The following FGD5 variants were observed in gnomAD, a reference collection of about 807,000 sequenced individuals.
FGD5 encodes the protein FYVE, RhoGEF and PH domain containing 5, also known as FYVE, RhoGEF and PH domain-containing protein 5.
Under a neutral mutation model 133.4 loss-of-function variants are expected in FGD5, and 28 were observed. That is an observed-to-expected ratio of 0.21 (90% confidence interval 0.16 to 0.29). FGD5 has a LOEUF of 0.29. Among genes scored for constraint, FGD5 ranks in the 10% least tolerant of loss-of-function variants. The pLI is 1.00. For synonymous variants in FGD5, 810 were observed against 776.5 expected (o/e 1.04, Z -0.72); for missense variants, 1,858 against 1,895.2 (o/e 0.98, Z 0.36).
intron 1 of FGD5, among the ~76,000 whole-genome samples, chr3:14,862,449 G>A (rs1346829278): frequency 6.6e-6 from 1 of 152,176 alleles, no homozygotes; most frequent in Non-Finnish European, 1.5e-5. Context: ...TTAGGCTGGG[G>A]ACCACTCCTC....
intron 1 of FGD5, among the ~76,000 whole-genome samples, chr3:14,825,285 G>T (rs2036579262): frequency 6.6e-6 from 1 of 152,024 alleles, no homozygotes; most frequent in South Asian, 2.1e-4. Flanking sequence ...GTATACAAAA[G>T]AAGGTTTTAT....
upstream of FGD5, among the ~76,000 whole-genome samples, chr3:14,814,458 G>A (rs1288088763): frequency 6.6e-6 from 1 of 152,158 alleles, no homozygotes; most frequent in East Asian, 1.9e-4. Context: ...CTGAGGTCAG[G>A]AGCTCCATCT....
rs982436934 is a variant in FGD5, at chr3:14,932,397, C to T, written c.4198-180C>T. 12 of 527,300 alleles carry T rather than the reference C, an allele frequency of 2.3e-5. No homozygotes were observed. The South Asian group carries it at 3.1e-4, about 14-fold the overall frequency. 32.7% of individuals were successfully genotyped at this position (527,300 alleles called of 1,614,324 possible). On this transcript the variant is annotated intron_variant, in intron 18 of 19. Coordinates refer to ENST00000285046, the MANE Select transcript of FGD5 (RefSeq NM_152536.4). ...CACACCCAGCCAGTGTCGTTTCTTT[C>T]CTTCCTCAGGGCTGGCTCTGGGGGG...
In FGD5 at chr3:14,922,630, G is replaced by A; in HGVS notation, c.3807+82G>A. On this transcript the variant is annotated intron_variant, in intron 15 of 19. Transcript: ENST00000285046. This position sits in a 1 kb window ranked among gnomAD's most constrained non-coding sequence, Gnocchi z 4.1. Reference sequence around the variant, plus strand: ...TGTCCCTGCCCAGCCGGGGGCTCAGGGATGTCCAGCAGCTACTGTAAGCCC... The same window carrying A: ...TGTCCCTGCCCAGCCGGGGGCTCAGAGATGTCCAGCAGCTACTGTAAGCCC... 6.7e-7 allele frequency: 1 copy of A among 1,503,674 alleles called. No homozygotes were observed. Among genetic ancestry groups the A allele is most frequent in the African/African-American group, 1.4e-5 (1 of 72,758 alleles). 93.1% of individuals were successfully genotyped at this position (1,503,674 alleles called of 1,614,324 possible).
intron 1 of FGD5, among the ~76,000 whole-genome samples, chr3:14,831,285 C>G (rs552464143): frequency 2.6e-5 from 4 of 152,268 alleles, no homozygotes; most frequent in Middle Eastern, 6.8e-3. Flanking sequence ...AGAAGTGTTA[C>G]GATCCAAAGA....
intron 4 of FGD5, among the ~76,000 whole-genome samples, chr3:14,885,517 G>GTC (rs2125122012): frequency 6.6e-6 from 1 of 152,288 alleles, no homozygotes; most frequent in African/African-American, 2.4e-5. Context: ...AGTTGGTCAC[G>GTC]TCCCACGGGC....
In FGD5 at chr3:14,821,192, G is replaced by A. The variant is rs769203894; in HGVS notation, c.2121G>A (p.Lys707=). 31 of 1,613,824 alleles carry A rather than the reference G, an allele frequency of 1.9e-5. No homozygotes were observed. Among genetic ancestry groups the A allele is most frequent in the Middle Eastern group, 3.3e-4 (2 of 6,084 alleles). ...GCCTCAGCAACTCCCCTCAGCTTAA[G>A]TCTCGGACTGGGAAGCTCCGGGCTT... ...RRSLSNSPQL[K]SRTGKLRASE... is the part of the protein sequence containing the mutation. Residue 707 remains lysine (K), a synonymous_variant, in exon 1 of 20, where the codon AAG becomes AAA. Transcript: ENST00000285046.
At chr3:14,908,945 T>TTCATTCATTC (rs1553630938) in intron 10 of FGD5, among the ~76,000 whole-genome samples, 2 of 143,448 alleles carry the variant, frequency 1.4e-5, no homozygotes, top group African/African-American at 4.9e-5. Context: ...TTTATTTATT[T>TTCATTCATTC]ATTTATTCAT....
At position 14,898,066 on chromosome 3, in the gene FGD5, C is replaced by T. The variant is rs766945977; in HGVS notation, c.3037C>T (p.Arg1013Trp). 20 of 1,613,872 alleles carry T rather than the reference C, an allele frequency of 1.2e-5. No homozygotes were observed. Among genetic ancestry groups the T allele is most frequent in the Admixed American group, 1.7e-5 (1 of 60,006 alleles). Reference protein sequence around the residue: ...LLSENCLHSPRLAAAVREFEQ... With the variant: ...LLSENCLHSPWLAAAVREFEQ... The stretch of plus-strand genomic sequence containing the variant: ...CAGTGAGAATTGCCTCCACTCTCCC[C>T]GGCTGGCAGCTGCTGTCCGTGAATT... Residue 1013 changes from arginine to tryptophan, a missense_variant, in exon 6 of 20, where the codon CGG (arginine) becomes TGG (tryptophan). Arg to Trp is a moderately radical substitution (Grantham distance 101). Coordinates refer to ENST00000285046, the MANE Select transcript of FGD5 (RefSeq NM_152536.4).
intron 9 of FGD5, among the ~76,000 whole-genome samples, chr3:14,905,721 A>G (rs1388951395): frequency 6.6e-6 from 1 of 151,956 alleles, no homozygotes; most frequent in Non-Finnish European, 1.5e-5. Context: ...AATCAGAGCT[A>G]CTTCAAGGTC....
In FGD5 at chr3:14,922,272, G is replaced by A; in HGVS notation, c.3670-139G>A. The A allele has an allele frequency of 1.6e-6, 2 of 1,268,026 alleles. No individual in the cohort carries two copies. The highest frequency in any genetic ancestry group is 2.9e-5 in the South Asian group (2 of 69,842). 78.5% of individuals were successfully genotyped at this position (1,268,026 alleles called of 1,614,324 possible). On this transcript the variant is annotated intron_variant, in intron 14 of 19. Transcript: ENST00000285046. The surrounding 1 kb of genome is among the most constrained non-coding windows in gnomAD (Gnocchi z 4.1). The stretch of plus-strand genomic sequence containing the variant: ...AGGGTGAGCATCCTGGAGGGTGCAG[G>A]AGAGGCCTTTCACATCAGACCCACT...
upstream of FGD5, chr3:14,810,742 G>A: frequency 6.5e-6 from 6 of 930,134 alleles, no homozygotes; most frequent in East Asian, 1.2e-4. Flanking sequence ...GCGGGCGCCA[G>A]GGGGTGCGGG....
chr3:14,866,931 G>C (rs78872303), intron 2 of FGD5, among the ~76,000 whole-genome samples: 11,984 of 152,260 alleles, frequency 0.079, 712 homozygotes, highest in East Asian at 0.24. Context: ...GAGCAGGGAG[G>C]GGGTGGGTGA....
intron 1 of FGD5, among the ~76,000 whole-genome samples, chr3:14,834,068 A>G (rs925817417): frequency 1.3e-5 from 2 of 152,182 alleles, no homozygotes; most frequent in East Asian, 3.8e-4. Flanking sequence ...AGGGTCTGTT[A>G]TTGTAATTCT....
intron 8 of FGD5, among the ~76,000 whole-genome samples, chr3:14,900,702 C>T (rs2038221273): frequency 6.6e-6 from 1 of 152,154 alleles, no homozygotes; most frequent in South Asian, 2.1e-4. Context: ...ATGGGGGAGT[C>T]ACCAGAATTT....
intron 7 of FGD5, among the ~76,000 whole-genome samples, chr3:14,899,679 A>C (rs915078097): frequency 6.6e-6 from 1 of 152,216 alleles, no homozygotes. Context: ...CGAACAGCAA[A>C]CTCAGTGACA....
chr3:14,902,020 G>A (rs904179129), intron 9 of FGD5, among the ~76,000 whole-genome samples: 1 of 152,004 alleles, frequency 6.6e-6, no homozygotes, highest in Non-Finnish European at 1.5e-5. Flanking sequence ...GGTGGCTCAC[G>A]CCTGTAATCC....
rs1458009469 is a variant in FGD5 at position 14,924,199 on chromosome 3, T to G, written c.4068+61T>G. ...GCATTTGGAAGGTTCATGGTCATCCTGGGTAGACGGAGTCAGACCCTGCCC... is the reference window on the plus strand; with the variant it reads ...GCATTTGGAAGGTTCATGGTCATCCGGGGTAGACGGAGTCAGACCCTGCCC... On this transcript the variant is annotated intron_variant, in intron 17 of 19. Transcript: ENST00000285046. 3 of 1,611,594 alleles carry G rather than the reference T, an allele frequency of 1.9e-6. No individual in the cohort carries two copies. The Admixed American group carries it at 5.0e-5, about 27-fold the overall frequency.
At chr3:14,842,549 T>G (rs1446488899) in intron 1 of FGD5, among the ~76,000 whole-genome samples, 1 of 152,236 alleles carries the variant, frequency 6.6e-6, no homozygotes. Flanking sequence ...TGTACCCTGA[T>G]GTCCCTTCAC....
Sources: allele counts gnomAD v4.1 joint callset (sites outside exome capture counted in the v4.1 genomes callset), GRCh38; gene constraint gnomAD v4.1.1; non-coding constraint Gnocchi (gnomAD v3.1); transcripts MANE v1.5; gene names NCBI Gene and HGNC (gene_info 2026-07-23, HGNC 2026-07-21).